SNX29: variants seen among roughly 807,000 people sequenced by gnomAD.
SNX29 encodes sorting nexin 29.
SNX29 carries 78 observed loss-of-function variants against 102.1 expected under a neutral mutation model. That is an observed-to-expected ratio of 0.76 (90% CI 0.64 to 0.92). The LOEUF (loss-of-function observed/expected upper bound fraction) is 0.92, where lower values mean the gene tolerates loss of function less well. Ranked by LOEUF, SNX29 falls within the 40% of genes least tolerant of loss-of-function variation. The pLI is 0.00. For synonymous variants in SNX29, 580 were observed against 414.5 expected (o/e 1.40, Z -4.85); for missense variants, 1,280 against 1,061.7 (o/e 1.21, Z -2.86).
At chr16:11,981,858 T>TA (rs1259679229) in intron 1 of SNX29, among the ~76,000 whole-genome samples, 1 of 152,188 alleles carries the variant, frequency 6.6e-6, no homozygotes, top group Non-Finnish European at 1.5e-5. Context: ...AAAGGATTGA[T>TA]ACGGATTCAT....
intron 20 of SNX29, among the ~76,000 whole-genome samples, chr16:12,562,106 C>T (rs561701087): frequency 1.0e-3 from 154 of 152,242 alleles, no homozygotes; most frequent in African/African-American, 3.5e-3. Context: ...TTTCTAAGGC[C>T]GTTCACTCTC....
intron 3 of SNX29, among the ~76,000 whole-genome samples, chr16:12,014,593 G>A (rs757246015): frequency 5.3e-5 from 8 of 151,704 alleles, no homozygotes; most frequent in Non-Finnish European, 7.4e-5. Context: ...TTAGTTGGGC[G>A]TGGTGGTGCA....
intron 18 of SNX29, among the ~76,000 whole-genome samples, chr16:12,430,513 C>T (rs567122424): frequency 6.6e-6 from 1 of 152,318 alleles, no homozygotes; most frequent in Admixed American, 6.5e-5. Context: ...GATCTATAGC[C>T]TTGGGCAAGT....
intron 13 of SNX29, among the ~76,000 whole-genome samples, chr16:12,186,127 T>G (rs1281169603): frequency 6.6e-6 from 1 of 152,240 alleles, no homozygotes; most frequent in Non-Finnish European, 1.5e-5. Context: ...AGTTATGAGC[T>G]ATTCAGTTAA....
At chr16:12,400,362 C>T (rs1047325611) in intron 17 of SNX29, among the ~76,000 whole-genome samples, 2 of 152,184 alleles carry the variant, frequency 1.3e-5, no homozygotes. Flanking sequence ...ACAGCATTGC[C>T]TCTGTGCTGG....
At chr16:12,462,129 G>A (rs937615821) in intron 18 of SNX29, among the ~76,000 whole-genome samples, 2 of 150,022 alleles carry the variant, frequency 1.3e-5, no homozygotes, top group African/African-American at 2.5e-5. Context: ...CTGTGGCTTC[G>A]CTCTGGGTGC....
chr16:11,980,087 C>G (rs115013787), intron 1 of SNX29, among the ~76,000 whole-genome samples: 1 of 152,076 alleles, frequency 6.6e-6, no homozygotes, highest in Non-Finnish European at 1.5e-5. Flanking sequence ...TTTTCAGAGC[C>G]GTGTAAACAT....
intron 15 of SNX29, among the ~76,000 whole-genome samples, chr16:12,324,115 T>A (rs781060956): frequency 3.9e-4 from 59 of 152,188 alleles, no homozygotes; most frequent in Non-Finnish European, 7.2e-4. Flanking sequence ...CATGTGATTA[T>A]AAACTTTCAC....
In SNX29 at chr16:12,560,710, G is replaced by C. The variant is rs111431241; in HGVS notation, c.2319-7796G>C. ...TATCTAGTCATCGACTCTGGGCTCA[G>C]AGTGCACACATTCAACATCAAAACC... On this transcript the variant is annotated intron_variant, in intron 20 of 20. Coordinates refer to ENST00000566228, the MANE Select transcript of SNX29 (RefSeq NM_032167.5). 1,175 of 164,534 alleles carry C rather than the reference G, an allele frequency of 7.1e-3. 17 individuals are homozygous for C. Among genetic ancestry groups the C allele is most frequent in the African/African-American group, 0.027 (1,114 of 41,900 alleles). 10.2% of individuals were successfully genotyped at this position (164,534 alleles called of 1,614,324 possible). A position where few individuals can be genotyped will look rare whatever the true frequency, so the allele number is the denominator to read the frequency against.
intron 20 of SNX29, 84 bp from the exon 21 acceptor site, chr16:12,568,422 C>T (rs910936804): frequency 3.4e-5 from 53 of 1,563,736 alleles, no homozygotes; most frequent in Non-Finnish European, 4.4e-5. Context: ...TCCCTCCTGC[C>T]CTCACACCTG....
chr16:12,220,030 T>C (rs567299484), intron 14 of SNX29, among the ~76,000 whole-genome samples: 15 of 152,388 alleles, frequency 9.8e-5, no homozygotes, highest in Non-Finnish European at 1.9e-4. Context: ...TTGTTGGCTT[T>C]GGCCCAGACA....
At chr16:12,224,683 A>C (rs2077564601) in intron 14 of SNX29, among the ~76,000 whole-genome samples, 1 of 152,204 alleles carries the variant, frequency 6.6e-6, no homozygotes, top group Admixed American at 6.5e-5. Flanking sequence ...AGTATTGTTG[A>C]ATTTACCGGT....
chr16:12,413,562 C>G (rs890913582), intron 18 of SNX29, among the ~76,000 whole-genome samples: 1 of 132,048 alleles, frequency 7.6e-6, no homozygotes, highest in African/African-American at 2.5e-5. Context: ...AGGAGTGGCT[C>G]TGTGAGAAGT....
chr16:12,301,635 T>C (rs144897654), intron 15 of SNX29, among the ~76,000 whole-genome samples: 1 of 152,364 alleles, frequency 6.6e-6, no homozygotes, highest in Non-Finnish European at 1.5e-5. Flanking sequence ...GTTGGCTCTT[T>C]ATGGTCCATC....
intron 19 of SNX29, among the ~76,000 whole-genome samples, chr16:12,504,771 A>G (rs886202825): frequency 1.3e-5 from 2 of 152,248 alleles, no homozygotes; most frequent in Non-Finnish European, 2.9e-5. Flanking sequence ...ATGTATGTAT[A>G]GGAGAAAAGA....
intron 20 of SNX29, among the ~76,000 whole-genome samples, chr16:12,566,174 A>G (rs1018419367): frequency 6.6e-6 from 1 of 152,204 alleles, no homozygotes; most frequent in African/African-American, 2.4e-5. Flanking sequence ...TGGTGGCTTT[A>G]GGTAGCCCTT....
At chr16:12,316,630 C>T (rs771473434) in intron 15 of SNX29, among the ~76,000 whole-genome samples, 4 of 152,142 alleles carry the variant, frequency 2.6e-5, no homozygotes, top group Non-Finnish European at 5.9e-5. Context: ...TCCTTCTGTG[C>T]CCCCCAAGGT....
intron 13 of SNX29, among the ~76,000 whole-genome samples, chr16:12,133,667 C>T (rs2054556155): frequency 6.6e-6 from 1 of 152,106 alleles, no homozygotes; most frequent in Admixed American, 6.6e-5. Context: ...AAACGAGAGA[C>T]CATGTATTGG....
intron 3 of SNX29, among the ~76,000 whole-genome samples, chr16:12,014,732 C>CAA (rs201224471): frequency 1.6e-3 from 116 of 72,008 alleles, no homozygotes; most frequent in Admixed American, 3.0e-3. Context: ...AGCTCCGTCT[C>CAA]AAAAAAAAAA....
Sources: allele counts gnomAD v4.1 joint callset (sites outside exome capture counted in the v4.1 genomes callset), GRCh38; gene constraint gnomAD v4.1.1; transcripts MANE v1.5; gene names NCBI Gene and HGNC (gene_info 2026-07-23, HGNC 2026-07-21).